Variants in SMG6 observed in about 807,000 individuals in gnomAD.
SMG6 encodes the protein telomerase-binding protein EST1A.
Under a neutral mutation model 142.2 loss-of-function variants are expected in SMG6, and 66 were observed. The ratio of observed to expected loss-of-function variants is 0.46; its 90% CI spans 0.38 to 0.57. The LOEUF is 0.57. Ranked by LOEUF, SMG6 falls within the 20% of genes least tolerant of loss-of-function variation. The pLI is 0.00. For synonymous variants in SMG6, 779 were observed against 702.4 expected (o/e 1.11, Z -1.72); for missense variants, 1,793 against 1,832.0 (o/e 0.98, Z 0.39).
rs574680280 is a variant in SMG6 at position 2,261,246 on chromosome 17, G to A, written c.2662-16527C>T. Among the ~76,000 whole-genome samples, 50 of 152,002 alleles carry A rather than the reference G, an allele frequency of 3.3e-4. 1 individual carries two copies. The Middle Eastern group carries it at 0.01, about 31-fold the overall frequency. On this transcript the variant is annotated intron_variant, in intron 8 of 18. Coordinates refer to ENST00000263073, the MANE Select transcript of SMG6 (RefSeq NM_017575.5). ...GGAGAATCACTTGAACCCGGGAGGC[G>A]GAGCTTGCAGTGAGCCAAGATCGCA...
intron 13 of SMG6, among the ~76,000 whole-genome samples, chr17:2,159,366 GC>G (rs2151620743): frequency 6.6e-6 from 1 of 152,266 alleles, no homozygotes; most frequent in South Asian, 2.1e-4. Flanking sequence ...GGAGACGGAG[GC>G]TGCAGTGAGC....
At chr17:2,255,403 CAAAAAAAAAA>C (rs60136702) in intron 8 of SMG6, among the ~76,000 whole-genome samples, 1 of 73,596 alleles carries the variant, frequency 1.4e-5, no homozygotes, top group Non-Finnish European at 2.6e-5. Context: ...GACTCCGTCT[CAAAAAAAAAA>C]AAAAAAAAAA....
chr17:2,254,899 G>A (rs1210263748), intron 8 of SMG6, among the ~76,000 whole-genome samples: 2 of 152,180 alleles, frequency 1.3e-5, no homozygotes, highest in Admixed American at 1.3e-4. Flanking sequence ...TCCTCTCAGA[G>A]GAAAAGACCT....
intron 13 of SMG6, among the ~76,000 whole-genome samples, chr17:2,108,640 T>C (rs2151488301): frequency 6.6e-6 from 1 of 151,768 alleles, no homozygotes; most frequent in African/African-American, 2.4e-5. Flanking sequence ...CAGATAATAA[T>C]AATAATAAAA....
chr17:2,168,825 TGC>T (rs2071418097), intron 13 of SMG6, among the ~76,000 whole-genome samples: 1 of 151,998 alleles, frequency 6.6e-6, no homozygotes, highest in African/African-American at 2.4e-5. Context: ...CTTGGCTCAC[TGC>T]AACCTCTACC....
chr17:2,265,678 TAC>T (rs1171297069), intron 8 of SMG6, among the ~76,000 whole-genome samples: 2 of 152,238 alleles, frequency 1.3e-5, no homozygotes, highest in East Asian at 3.8e-4. Context: ...GTGAGCCACG[TAC>T]ATCTCTGTCT....
rs928856957 is a variant in SMG6 at position 2,186,917 on chromosome 17, T to A, written c.2987-86A>T. ...GGGCGCTGGGACGGCAGCAAGCTCTTAGGGAAGGGAGACCAAGTCCACAGG... is the reference window on the plus strand; with the variant it reads ...GGGCGCTGGGACGGCAGCAAGCTCTAAGGGAAGGGAGACCAAGTCCACAGG... On this transcript the variant is annotated intron_variant, in intron 11 of 18. Coordinates refer to ENST00000263073, the MANE Select transcript of SMG6 (RefSeq NM_017575.5). 4.1e-6 allele frequency: 6 copies of A among 1,446,596 alleles called. No individual in the cohort carries two copies. In the African/African-American group the frequency reaches 7.1e-5, roughly 17 times the overall value. 89.6% of individuals were successfully genotyped at this position (1,446,596 alleles called of 1,614,324 possible). A position where few individuals can be genotyped will look rare whatever the true frequency, so the allele number is the denominator to read the frequency against.
At chr17:2,140,301 C>T (rs971165565) in intron 13 of SMG6, among the ~76,000 whole-genome samples, 17 of 152,182 alleles carry the variant, frequency 1.1e-4, no homozygotes, top group African/African-American at 1.4e-4. Flanking sequence ...AAGTGATCTG[C>T]ATGCCTCAGC....
intron 13 of SMG6, among the ~76,000 whole-genome samples, chr17:2,116,286 C>T (rs756615503): frequency 1.5e-4 from 23 of 151,924 alleles, no homozygotes; most frequent in Non-Finnish European, 2.6e-4. Context: ...GCTATGTTGC[C>T]CAGGCTGGTA....
intron 8 of SMG6, among the ~76,000 whole-genome samples, chr17:2,282,000 G>A (rs983908363): frequency 1.7e-4 from 26 of 152,176 alleles, no homozygotes; most frequent in Admixed American, 5.2e-4. Context: ...TATACTGGGT[G>A]TGCACCCCAA....
intron 10 of SMG6, among the ~76,000 whole-genome samples, chr17:2,208,696 A>G (rs1208624244): frequency 6.6e-6 from 1 of 152,254 alleles, no homozygotes; most frequent in African/African-American, 2.4e-5. Flanking sequence ...GTCTAACAGG[A>G]CTTGCTTATG....
intron 13 of SMG6, among the ~76,000 whole-genome samples, chr17:2,163,187 A>C (rs1444415766): frequency 1.3e-5 from 2 of 151,950 alleles, no homozygotes; most frequent in Non-Finnish European, 2.9e-5. Context: ...TAATACAAAG[A>C]TTATTTTATT....
At chr17:2,090,569 G>C (rs1200091284) in intron 13 of SMG6, among the ~76,000 whole-genome samples, 1 of 152,200 alleles carries the variant, frequency 6.6e-6, no homozygotes, top group Non-Finnish European at 1.5e-5. Flanking sequence ...CTCCAAACAG[G>C]CTTCTTGGAA....
At chr17:2,065,216 G>A in intron 17 of SMG6, 62 bp from the exon 18 acceptor site, 1 of 1,401,826 alleles carries the variant, frequency 7.1e-7, no homozygotes, top group Non-Finnish European at 1.0e-6. Context: ...TGGAGGAGGA[G>A]GAGGGATCCT....
At chr17:2,160,042 T>C (rs2071126537) in intron 13 of SMG6, among the ~76,000 whole-genome samples, 2 of 152,068 alleles carry the variant, frequency 1.3e-5, no homozygotes, top group South Asian at 4.1e-4. Flanking sequence ...TGGGAACATT[T>C]TGTGGAGAAG....
chr17:2,140,671 C>CA (rs10635640), intron 13 of SMG6, among the ~76,000 whole-genome samples: 6,278 of 107,260 alleles, frequency 0.059, 199 homozygotes, highest in East Asian at 0.12. Context: ...GATTCCATCT[C>CA]AAAAAAAAAA....
intron 16 of SMG6, among the ~76,000 whole-genome samples, chr17:2,066,372 C>CTGTGTG (rs57221830): frequency 0.04 from 5,973 of 149,600 alleles, 184 homozygotes; most frequent in African/African-American, 0.085. Flanking sequence ...GTATATGTCT[C>CTGTGTG]TGTGTGTGTG....
At chr17:2,126,268 CCTTA>C (rs2069873953) in intron 13 of SMG6, among the ~76,000 whole-genome samples, 1 of 151,952 alleles carries the variant, frequency 6.6e-6, no homozygotes, top group African/African-American at 2.4e-5. Context: ...GAAGCTGAAC[CCTTA>C]CCTAAGACCA....
At chr17:2,116,673 A>G (rs918130751) in intron 13 of SMG6, among the ~76,000 whole-genome samples, 3 of 152,046 alleles carry the variant, frequency 2.0e-5, no homozygotes, top group Admixed American at 6.6e-5. Flanking sequence ...ACTTGAACCC[A>G]GGAGGTAGAG....
Sources: gnomAD v4.1 joint callset for allele counts (sites outside exome capture counted in the v4.1 genomes callset) on GRCh38, gnomAD v4.1.1 for gene constraint, MANE v1.5 for transcripts, NCBI Gene and HGNC (gene_info 2026-07-23, HGNC 2026-07-21) for gene names.